Variants in FHIT observed in about 807,000 individuals in gnomAD.
The protein encoded by FHIT is bis(5'-adenosyl)-triphosphatase.
In FHIT, 19 loss-of-function variants were observed where a neutral mutation model predicts 17.9. The ratio of observed to expected loss-of-function variants is 1.06; its 90% CI spans 0.74 to 1.56. FHIT has a LOEUF of 1.56. Ranked by LOEUF, FHIT falls within the 40% of genes most tolerant of loss-of-function variation. The pLI is 0.00. For missense variants in FHIT, 248 were observed against 189.2 expected (o/e 1.31, Z -1.82); for synonymous variants, 81 against 69.7 (o/e 1.16, Z -0.81).
intron 5 of FHIT, among the ~76,000 whole-genome samples, chr3:60,050,858 C>T (rs1701843500): frequency 6.6e-6 from 1 of 152,104 alleles, no homozygotes. Context: ...AGAAATCAGA[C>T]TCAGAGAAGA....
At chr3:60,341,523 C>A (rs189078187) in intron 5 of FHIT, among the ~76,000 whole-genome samples, 1 of 151,992 alleles carries the variant, frequency 6.6e-6, no homozygotes, top group Admixed American at 6.6e-5. Flanking sequence ...CTTTTTACTG[C>A]GTTCTAAGCT....
intron 3 of FHIT, among the ~76,000 whole-genome samples, chr3:60,882,066 T>A (rs1287312459): frequency 6.6e-6 from 1 of 151,992 alleles, no homozygotes; most frequent in Admixed American, 6.6e-5. Flanking sequence ...TTACAACTGA[T>A]AACCCACATA....
intron 5 of FHIT, among the ~76,000 whole-genome samples, chr3:60,099,567 A>C (rs1479759162): frequency 6.6e-6 from 1 of 152,110 alleles, no homozygotes; most frequent in East Asian, 1.9e-4. Context: ...TTTATAATGT[A>C]ACTGTTTCTC....
intron 5 of FHIT, among the ~76,000 whole-genome samples, chr3:60,333,399 C>T (rs1390859881): frequency 6.6e-6 from 1 of 152,030 alleles, no homozygotes; most frequent in Non-Finnish European, 1.5e-5. Context: ...AGTTAGTTTA[C>T]ACTAAAAACT....
intron 5 of FHIT, among the ~76,000 whole-genome samples, chr3:60,302,463 A>G (rs948749236): frequency 6.6e-6 from 1 of 152,156 alleles, no homozygotes; most frequent in South Asian, 2.1e-4. Flanking sequence ...ATGTTTTACC[A>G]TATTTCTTTT....
chr3:59,941,300 G>C (rs1575734644), intron 7 of FHIT, among the ~76,000 whole-genome samples: 1 of 152,210 alleles, frequency 6.6e-6, no homozygotes, highest in South Asian at 2.1e-4. Context: ...GGGTGGATCA[G>C]ACAGACTTCA....
At chr3:60,350,151 A>G (rs756107895) in intron 5 of FHIT, among the ~76,000 whole-genome samples, 31 of 152,200 alleles carry the variant, frequency 2.0e-4, no homozygotes, top group Non-Finnish European at 3.4e-4. Context: ...ATCAAGCACC[A>G]CAGTTAAAAT....
intron 5 of FHIT, among the ~76,000 whole-genome samples, chr3:60,110,467 G>T (rs1420412152): frequency 6.6e-6 from 1 of 152,142 alleles, no homozygotes; most frequent in Non-Finnish European, 1.5e-5. Flanking sequence ...TCACCCTAAT[G>T]AATCCAAAGA....
chr3:60,572,037 G>T (rs1329069581), intron 4 of FHIT, among the ~76,000 whole-genome samples: 1 of 151,622 alleles, frequency 6.6e-6, no homozygotes, highest in Non-Finnish European at 1.5e-5. Flanking sequence ...TTTTTTTTGG[G>T]GGGGAAGATT....
In FHIT at chr3:59,945,425, T is replaced by A. The variant is rs536158080; in HGVS notation, c.280-23011A>T. 7.9e-5 allele frequency among the ~76,000 whole-genome samples: 12 copies of A among 152,292 alleles called. 1 individual carries two copies. In the East Asian group the frequency reaches 2.3e-3, roughly 29 times the overall value. On this transcript the variant is annotated intron_variant, in intron 7 of 9. Coordinates refer to ENST00000492590, the MANE Select transcript of FHIT (RefSeq NM_002012.4). ...TTATAGAGTCTGAATCTTATACTTT[T>A]GTCAGATGCATAGTTTGCAAATATT...
intron 8 of FHIT, among the ~76,000 whole-genome samples, chr3:59,768,528 A>T (rs911920709): frequency 3.3e-5 from 5 of 152,184 alleles, no homozygotes; most frequent in Non-Finnish European, 7.3e-5. Flanking sequence ...CACTTATTGT[A>T]CATGCCTTCT....
chr3:61,234,275 C>T (rs1460128128), intron 1 of FHIT, among the ~76,000 whole-genome samples: 1 of 152,172 alleles, frequency 6.6e-6, no homozygotes, highest in Non-Finnish European at 1.5e-5. Flanking sequence ...AGCATTCCCA[C>T]TCCTGGAAAT....
intron 5 of FHIT, among the ~76,000 whole-genome samples, chr3:60,088,323 T>G (rs556275162): frequency 6.6e-6 from 1 of 152,172 alleles, no homozygotes; most frequent in Non-Finnish European, 1.5e-5. Flanking sequence ...AAATCAAGCA[T>G]GATCCTTAGA....
At chr3:60,424,076 C>T (rs192756318) in intron 5 of FHIT, among the ~76,000 whole-genome samples, 10 of 152,242 alleles carry the variant, frequency 6.6e-5, no homozygotes, top group African/African-American at 2.4e-4. Flanking sequence ...ATTCCAAGCA[C>T]TTTGAAAACA....
intron 2 of FHIT, among the ~76,000 whole-genome samples, chr3:61,123,105 C>T (rs138148802): frequency 0.088 from 13,404 of 152,086 alleles, 639 homozygotes; most frequent in Non-Finnish European, 0.1. Context: ...CCAACCCAAA[C>T]GCCCATTAAT....
intron 8 of FHIT, among the ~76,000 whole-genome samples, chr3:59,892,050 T>C (rs1206935020): frequency 6.6e-6 from 1 of 152,248 alleles, no homozygotes; most frequent in Non-Finnish European, 1.5e-5. Flanking sequence ...TAATAGTCCA[T>C]CTATAACTCA....
intron 5 of FHIT, among the ~76,000 whole-genome samples, chr3:60,441,477 T>C (rs1295543715): frequency 6.6e-6 from 1 of 151,808 alleles, no homozygotes; most frequent in East Asian, 2.0e-4. Flanking sequence ...CAATTTATCA[T>C]CTCAAACTTC....
chr3:59,881,089 T>C (rs1244134041), intron 8 of FHIT, among the ~76,000 whole-genome samples: 1 of 152,178 alleles, frequency 6.6e-6, no homozygotes. Flanking sequence ...TAAACATATG[T>C]TATGGGCAAT....
Position 61,135,233 on chromosome 3 carries a change from A to C in FHIT, c.-164+65384T>G, listed in dbSNP as rs143337509. Among the ~76,000 whole-genome samples, 18 of 152,338 alleles carry C rather than the reference A, an allele frequency of 1.2e-4. No individual in the cohort carries two copies. In the East Asian group the frequency reaches 3.5e-3, roughly 29 times the overall value. On this transcript the variant is annotated intron_variant, in intron 2 of 9. Transcript: ENST00000492590. ...GAGAAAGTGGCTTGGGAAGTTTTCT[A>C]AGGTCTAAGCTTTCTTTCAATGATT...
Sources: allele counts gnomAD v4.1 joint callset (sites outside exome capture counted in the v4.1 genomes callset), GRCh38; gene constraint gnomAD v4.1.1; transcripts MANE v1.5; gene names NCBI Gene and HGNC (gene_info 2026-07-23, HGNC 2026-07-21).